UTRN: variants seen among roughly 807,000 people sequenced by gnomAD.
UTRN encodes the protein utrophin, also known as dystrophin-related protein 1.
Under a neutral mutation model 463.9 loss-of-function variants are expected in UTRN, and 283 were observed. The ratio of observed to expected loss-of-function variants is 0.61; its 90% confidence interval spans 0.55 to 0.67. UTRN has a LOEUF of 0.67. UTRN is among the 30% of genes least tolerant of loss of function. The pLI is 0.00. For synonymous variants in UTRN, 1,442 were observed against 1,431.5 expected, an observed-to-expected ratio of 1.01 and a Z score of -0.17; for missense variants, 3,922 against 4,084.3, an observed-to-expected ratio of 0.96 and a Z score of 1.08.
chr6:144,642,024 A>T (rs1777823104), intron 51 of UTRN, among the ~76,000 whole-genome samples: 1 of 152,204 alleles, frequency 6.6e-6, no homozygotes, highest in Non-Finnish European at 1.5e-5. Context: ...ATGAGATCTC[A>T]AACAAGGCAT....
chr6:144,548,681 T>A lies in UTRN; in HGVS notation c.6637T>A (p.Ser2213Thr), dbSNP rs1554286095. 3.7e-6 allele frequency: 6 copies of A among 1,614,070 alleles called. No homozygotes were observed. The highest frequency in any genetic ancestry group is 5.1e-6 in the Non-Finnish European group (6 of 1,179,956). ...AAAGGTGGTGCTAGTATCATCTGCG[T>A]CAGATATTCCTGTTCAGTCTCATCG... is the stretch of plus-strand genomic sequence containing the variant. The part of the protein sequence containing the change: ...VQKVVLVSSA[S>T]DIPVQSHRTS... The change falls in exon 47 of 75, where the codon TCA becomes ACA. Residue 2213 changes from serine (S) to threonine (T), a missense_variant. Around this residue, in one of 3 missense-constraint regions of UTRN, gnomAD observed 2,349 missense variants for 2,303.8 expected, o/e 1.02. Transcript: ENST00000367545.
chr6:144,326,306 G>GTTTTT (rs887254864), intron 2 of UTRN, among the ~76,000 whole-genome samples: 1 of 144,610 alleles, frequency 6.9e-6, no homozygotes, highest in Admixed American at 6.9e-5. Flanking sequence ...TGGTCCCTTA[G>GTTTTT]TTTTTTTTTT....
chr6:144,443,843 A>ACC (rs2114909504), intron 13 of UTRN, among the ~76,000 whole-genome samples: 1 of 152,276 alleles, frequency 6.6e-6, no homozygotes, highest in South Asian at 2.1e-4. Context: ...CCACAGATGA[A>ACC]AATTTTCTTG....
At chr6:144,373,077 A>T (rs1277848009) in intron 2 of UTRN, among the ~76,000 whole-genome samples, 1 of 152,220 alleles carries the variant, frequency 6.6e-6, no homozygotes, top group Non-Finnish European at 1.5e-5. Context: ...GAAAATGTAA[A>T]ATAGTGTAGC....
intron 74 of UTRN, among the ~76,000 whole-genome samples, chr6:144,847,583 A>G (rs1562981984): frequency 6.6e-6 from 1 of 152,186 alleles, no homozygotes; most frequent in Admixed American, 6.5e-5. Context: ...GAAGCAGTCA[A>G]GTACACATTT....
chr6:144,568,253 A>T (rs63234361), intron 50 of UTRN, among the ~76,000 whole-genome samples: 2 of 150,458 alleles, frequency 1.3e-5, no homozygotes, highest in Non-Finnish European at 3.0e-5. Context: ...AAAAAAAAAA[A>T]TTATTTCTGC....
At chr6:144,582,670 T>C (rs1802077480) in intron 51 of UTRN, among the ~76,000 whole-genome samples, 1 of 152,248 alleles carries the variant, frequency 6.6e-6, no homozygotes, top group South Asian at 2.1e-4. Context: ...TTCACTTAGC[T>C]GTTTAATTAG....
chr6:144,775,677 A>G (rs992135870), intron 60 of UTRN, among the ~76,000 whole-genome samples: 4 of 152,172 alleles, frequency 2.6e-5, no homozygotes, highest in Non-Finnish European at 5.9e-5. Context: ...ATGGGTCTGG[A>G]AGTTCTTCTC....
intron 63 of UTRN, among the ~76,000 whole-genome samples, chr6:144,795,806 T>C (rs932719649): frequency 1.3e-5 from 2 of 152,216 alleles, no homozygotes; most frequent in East Asian, 1.9e-4. Flanking sequence ...AAAAATTTTC[T>C]CCCATTTTGT....
intron 2 of UTRN, among the ~76,000 whole-genome samples, chr6:144,357,748 C>T (rs1778699047): frequency 6.6e-6 from 1 of 152,192 alleles, no homozygotes. Context: ...TTTTGGGAAA[C>T]ATTTATTTGC....
chr6:144,328,535 T>A (rs980465122), intron 2 of UTRN, among the ~76,000 whole-genome samples: 2 of 151,756 alleles, frequency 1.3e-5, no homozygotes, highest in African/African-American at 4.8e-5. Flanking sequence ...GAAATAAATA[T>A]CTTTATTTGT....
At chr6:144,615,794 G>A (rs944844979) in intron 51 of UTRN, among the ~76,000 whole-genome samples, 5 of 152,082 alleles carry the variant, frequency 3.3e-5, no homozygotes, top group Admixed American at 2.0e-4. Context: ...AGTTATGGAA[G>A]CAAATACATA....
rs377559101 is a variant in UTRN, at chr6:144,532,898, T to C, written c.6058-187T>C. 1.1e-4 allele frequency among the ~76,000 whole-genome samples: 17 copies of C among 152,352 alleles called. No homozygotes were observed. The South Asian group carries it at 1.2e-3, about 11-fold the overall frequency. On this transcript the variant is annotated intron_variant, in intron 42 of 74. Coordinates refer to ENST00000367545, the MANE Select transcript of UTRN (RefSeq NM_007124.3). Reference sequence around the variant, plus strand: ...GGTGGGTTAGATTTCAAAATAAATTTCATTTAGCATGTTCATTGAAATGTA... The same window carrying C: ...GGTGGGTTAGATTTCAAAATAAATTCCATTTAGCATGTTCATTGAAATGTA...
chr6:144,373,229 C>T lies in UTRN; in HGVS notation c.80-29894C>T, dbSNP rs567756728. On this transcript the variant is annotated intron_variant, in intron 2 of 74. Transcript: ENST00000367545. The stretch of plus-strand genomic sequence containing the variant: ...AAAACTTGTACATGGATATTCATAA[C>T]AGCATTATTCATAATAGGCAAAAAG... Among the ~76,000 whole-genome samples the T allele has an allele frequency of 2.6e-5, 4 of 152,242 alleles. No homozygotes were observed. The South Asian group carries it at 8.3e-4, about 32-fold the overall frequency.
At chr6:144,649,263 G>A (rs1778568052) in intron 51 of UTRN, among the ~76,000 whole-genome samples, 1 of 152,132 alleles carries the variant, frequency 6.6e-6, no homozygotes, top group Non-Finnish European at 1.5e-5. Context: ...GGGCATGCTA[G>A]GAAAGCCTGT....
intron 60 of UTRN, among the ~76,000 whole-genome samples, chr6:144,776,341 T>C (rs1055324097): frequency 6.6e-6 from 1 of 152,196 alleles, no homozygotes; most frequent in East Asian, 1.9e-4. Flanking sequence ...TGCTTGCCTT[T>C]GTGTGCTCGA....
intron 51 of UTRN, among the ~76,000 whole-genome samples, chr6:144,586,988 G>GTA (rs893121476): frequency 2.6e-5 from 4 of 152,116 alleles, no homozygotes; most frequent in African/African-American, 9.7e-5. Flanking sequence ...ACATCTAGCT[G>GTA]TATATAGATG....
intron 51 of UTRN, among the ~76,000 whole-genome samples, chr6:144,648,261 A>G (rs1398128954): frequency 6.6e-6 from 1 of 152,178 alleles, no homozygotes; most frequent in Non-Finnish European, 1.5e-5. Context: ...CCACTCATTC[A>G]TTATTTTTCA....
intron 2 of UTRN, among the ~76,000 whole-genome samples, chr6:144,384,575 T>C (rs149218921): frequency 9.4e-4 from 143 of 152,166 alleles, no homozygotes; most frequent in South Asian, 3.7e-3. Flanking sequence ...CAACAACTCC[T>C]CACTCCTCTC....
Sources: gnomAD v4.1 joint callset for allele counts (sites outside exome capture counted in the v4.1 genomes callset) on GRCh38, gnomAD v4.1.1 for gene constraint, gnomAD v4.1.1 regional missense constraint, MANE v1.5 for transcripts, NCBI Gene and HGNC (gene_info 2026-07-23, HGNC 2026-07-21) for gene names.